The following BACE1 variants were observed in gnomAD, a reference collection of about 807,000 sequenced individuals.
BACE1 encodes beta-secretase 1.
Under a neutral mutation model 54.0 loss-of-function variants are expected in BACE1, and 21 were observed. That is an observed-to-expected ratio of 0.39 (90% CI 0.28 to 0.56). The LOEUF (loss-of-function observed/expected upper bound fraction) is 0.56. Ranked by LOEUF, BACE1 falls within the 20% of genes least tolerant of loss-of-function variation. The pLI, the probability that BACE1 is intolerant of heterozygous loss-of-function variation, is 0.63. For missense variants in BACE1, 511 were observed against 661.2 expected, an observed-to-expected ratio of 0.77 and a Z score of 2.49; for synonymous variants, 232 against 260.9, an observed-to-expected ratio of 0.89 and a Z score of 1.07.
At chr11:117,298,513 AT>A (rs770696989) in intron 1 of BACE1, among the ~76,000 whole-genome samples, 1 of 152,164 alleles carries the variant, frequency 6.6e-6, no homozygotes, top group Non-Finnish European at 1.5e-5. Flanking sequence ...AGTCTGGCTT[AT>A]CCCCTCCAGC....
At chr11:117,299,786 AC>A in intron 1 of BACE1, 1 of 281,832 alleles carries the variant, frequency 3.5e-6, no homozygotes, top group South Asian at 2.8e-5. Flanking sequence ...AGGCTTCTTC[AC>A]CCACCCTCTC....
intron 1 of BACE1, among the ~76,000 whole-genome samples, chr11:117,300,054 G>A (rs560248555): frequency 2.6e-5 from 4 of 151,816 alleles, no homozygotes; most frequent in East Asian, 3.9e-4. Flanking sequence ...CCTCTCCTGC[G>A]AGGCAGGAGG....
Position 117,288,661 on chromosome 11 carries a change from A to G in BACE1, c.*905T>C, listed in dbSNP as rs1212912279. 1 of 152,592 alleles carries G rather than the reference A, an allele frequency of 6.6e-6. No individual in the cohort carries two copies. The allele number at this position is 152,592 out of a possible 1,614,324, so 9.5% of individuals were successfully genotyped here. ...AGGATATTTCAGTGCTGCCTATCAT[A>G]TGTAGAATAAAGGGTGGTTCAGATA... On this transcript the variant is annotated 3_prime_UTR_variant, in exon 9 of 9. Coordinates refer to ENST00000313005, the MANE Select transcript of BACE1 (RefSeq NM_012104.6).
intron 1 of BACE1, among the ~76,000 whole-genome samples, chr11:117,303,653 C>G (rs28989481): frequency 0.012 from 1,889 of 152,316 alleles, 18 homozygotes; most frequent in Non-Finnish European, 0.021. Context: ...TGAACCATCT[C>G]TCATTATTAA....
rs1242575820 is a variant in BACE1 at position 117,291,704 on chromosome 11, C to G, written c.942+8G>C. 3.1e-6 allele frequency: 5 copies of G among 1,601,378 alleles called. No individual in the cohort carries two copies. The highest frequency in any genetic ancestry group is 3.4e-6 in the Non-Finnish European group (4 of 1,168,646). Reference sequence around the variant, plus strand: ...CATCTCTTTTACCCCCATCCTTAGTCCACTCACGGAGGAGGCTGCCTTGAT... The same window carrying G: ...CATCTCTTTTACCCCCATCCTTAGTGCACTCACGGAGGAGGCTGCCTTGAT... On this transcript the variant is annotated splice_region_variant and intron_variant, in intron 6 of 8. Coordinates refer to ENST00000313005, the MANE Select transcript of BACE1 (RefSeq NM_012104.6).
chr11:117,306,189 C>CT (rs1775801655), intron 1 of BACE1, among the ~76,000 whole-genome samples: 1 of 152,208 alleles, frequency 6.6e-6, no homozygotes, highest in Non-Finnish European at 1.5e-5. Flanking sequence ...CCTCCCCTGC[C>CT]TGTGCTGGCT....
At chr11:117,292,031 T>G (rs2034454634) in intron 5 of BACE1, 1 of 360,642 alleles carries the variant, frequency 2.8e-6, no homozygotes. Flanking sequence ...TTGTAAGGAT[T>G]AAATAAATCA....
intron 1 of BACE1, among the ~76,000 whole-genome samples, chr11:117,310,594 T>C (rs570616191): frequency 1.3e-5 from 2 of 152,120 alleles, no homozygotes; most frequent in East Asian, 3.9e-4. Flanking sequence ...CTAATTTTTG[T>C]ATTTTTAGTA....
chr11:117,315,692 C>T lies in BACE1; in HGVS notation c.104G>A (p.Gly35Glu), dbSNP rs551475088. The change falls in exon 1 of 9, where the codon GGG becomes GAG. Residue 35 changes from glycine to glutamate, a missense_variant. By Grantham distance (98) the Gly-to-Glu change is moderately conservative. This residue lies in a region of BACE1 where 104 missense variants were observed against 95.5 expected (regional missense o/e 1.09). Coordinates refer to ENST00000313005, the MANE Select transcript of BACE1 (RefSeq NM_012104.6). This position sits in a 1 kb window ranked among gnomAD's most constrained non-coding sequence, Gnocchi z 5.5. ...CAGCCGCAGCCCCAGGGGGGCGCCC[C>T]CCAGGCCGCTGCGCAGGGGCAGCCG... ...GIRLPLRSGL[G>E]GAPLGLRLPR... The T allele has an allele frequency of 2.0e-5, 31 of 1,515,230 alleles. No homozygotes were observed. Among genetic ancestry groups the T allele is most frequent in the East Asian group, 2.7e-5 (1 of 37,196 alleles). 93.9% of individuals were successfully genotyped at this position (1,515,230 alleles called of 1,614,324 possible).
chr11:117,294,099 C>G (rs2034532275), intron 3 of BACE1, 91 bp from the exon 4 acceptor site: 2 of 1,449,632 alleles, frequency 1.4e-6, no homozygotes, highest in Non-Finnish European at 1.9e-6. Flanking sequence ...AATTTGAAGG[C>G]TTGGGGGATG....
Position 117,287,411 on chromosome 11 carries a change from A to G in BACE1, c.*2155T>C, listed in dbSNP as rs2034292174. ...ATTTAAAAATACAGATGTATAATAC[A>G]TATTTTTACAAGCAAGAAGCTGTTG... On this transcript the variant is annotated 3_prime_UTR_variant, in exon 9 of 9. Coordinates refer to ENST00000313005, the MANE Select transcript of BACE1 (RefSeq NM_012104.6). The G allele has an allele frequency of 6.6e-6, 1 of 152,668 alleles. No homozygotes were observed. Among genetic ancestry groups the G allele is most frequent in the Non-Finnish European group, 1.5e-5 (1 of 68,048 alleles). 9.5% of individuals were successfully genotyped at this position (152,668 alleles called of 1,614,324 possible).
intron 8 of BACE1, 116 bp from the exon 9 acceptor site, chr11:117,289,923 T>G: frequency 5.6e-6 from 5 of 895,044 alleles, no homozygotes; most frequent in Non-Finnish European, 6.9e-6. Flanking sequence ...TCTAATCTCC[T>G]TCCCAGGAGA....
intron 1 of BACE1, among the ~76,000 whole-genome samples, chr11:117,314,034 G>T (rs368307303): frequency 1.3e-5 from 2 of 152,192 alleles, no homozygotes; most frequent in East Asian, 3.8e-4. Context: ...AGCTGTGGGT[G>T]GTAGAGCTGG....
At chr11:117,311,936 G>T (rs936070307) in intron 1 of BACE1, among the ~76,000 whole-genome samples, 1 of 152,154 alleles carries the variant, frequency 6.6e-6, no homozygotes, top group Non-Finnish European at 1.5e-5. Flanking sequence ...ACCACACACA[G>T]CCCCCACTCT....
chr11:117,291,052 G>C lies in BACE1; in HGVS notation c.943-3C>G. 1 of 1,613,928 alleles carries C rather than the reference G, an allele frequency of 6.2e-7. No homozygotes were observed. The highest frequency in any genetic ancestry group is 8.5e-7 in the Non-Finnish European group (1 of 1,179,932). On this transcript the variant is annotated splice_region_variant and splice_polypyrimidine_tract_variant and intron_variant, in intron 6 of 8. Coordinates refer to ENST00000313005, the MANE Select transcript of BACE1 (RefSeq NM_012104.6). ...AAACCATCAGGGAACTTCTCCGTCT[G>C]TGTTGGCAAGAAGGGGATAACAATG...
Position 117,289,279 on chromosome 11 carries a change from G to A in BACE1, c.*287C>T. On this transcript the variant is annotated 3_prime_UTR_variant, in exon 9 of 9. Coordinates refer to ENST00000313005, the MANE Select transcript of BACE1 (RefSeq NM_012104.6). The stretch of plus-strand genomic sequence containing the variant: ...TAAAGGAATGGTGGACAAAGGTTCA[G>A]GGCTGAAGTTTCAAGCAGCAGAATT... 2.5e-6 allele frequency: 1 copy of A among 398,934 alleles called. No homozygotes were observed. The highest frequency in any genetic ancestry group is 4.3e-5 in the East Asian group (1 of 23,008). The allele number at this position is 398,934 out of a possible 1,614,324, so 24.7% of individuals were successfully genotyped here.
intron 3 of BACE1, 71 bp downstream of exon 3, chr11:117,295,060 T>C: frequency 7.0e-7 from 1 of 1,423,646 alleles, no homozygotes; most frequent in African/African-American, 1.4e-5. Context: ...ATTCCCCTTC[T>C]CTCTCCTAAT....
chr11:117,309,696 G>C (rs1237063955), intron 1 of BACE1, among the ~76,000 whole-genome samples: 1 of 152,132 alleles, frequency 6.6e-6, no homozygotes, highest in African/African-American at 2.4e-5. Context: ...GTAATATTTA[G>C]GTATTATGTC....
At chr11:117,308,933 C>T (rs910997241) in intron 1 of BACE1, among the ~76,000 whole-genome samples, 1 of 152,084 alleles carries the variant, frequency 6.6e-6, no homozygotes, top group Non-Finnish European at 1.5e-5. Context: ...GCCTGGGTGA[C>T]ACAGCGAAAC....
Sources: gnomAD v4.1 joint callset for allele counts (sites outside exome capture counted in the v4.1 genomes callset) on GRCh38, gnomAD v4.1.1 for gene constraint, gnomAD v4.1.1 regional missense constraint, Gnocchi (gnomAD v3.1) non-coding constraint, MANE v1.5 for transcripts, NCBI Gene and HGNC (gene_info 2026-07-23, HGNC 2026-07-21) for gene names.